RBFOX1: variants seen among roughly 807,000 people sequenced by gnomAD.
RBFOX1 encodes the protein RNA binding protein fox-1 homolog 1.
In RBFOX1, 8 loss-of-function variants were observed where a neutral mutation model predicts 57.7. That is an observed-to-expected ratio of 0.14 (90% CI 0.08 to 0.25). RBFOX1 has a LOEUF of 0.25. Among genes scored for constraint, RBFOX1 ranks in the 10% least tolerant of loss-of-function variants. The pLI is 1.00. For synonymous variants in RBFOX1, 326 were observed against 222.4 expected, an observed-to-expected ratio of 1.47 and a Z score of -4.15; for missense variants, 611 against 548.5, an observed-to-expected ratio of 1.11 and a Z score of -1.14.
rs1251814422 is a variant in RBFOX1, at chr16:6,450,816, TAC to T, written c.-64+133761_-64+133762del. ...ATATATATATGTATATATATATATATACATATATATATATATATATGTGTATA... is the reference window on the plus strand; with the variant it reads ...ATATATATATGTATATATATATATATATATATATATATATATATGTGTATA... On this transcript the variant is annotated intron_variant, in intron 2 of 15. Transcript: ENST00000550418. 8.6e-3 allele frequency among the ~76,000 whole-genome samples: 190 copies of T among 22,002 alleles called. 21 individuals are homozygous for T. The highest frequency in any genetic ancestry group is 0.02 in the African/African-American group (93 of 4,764). The allele number at this position is 22,002 out of a possible 152,430, so 14.4% of individuals were successfully genotyped here. A position where few individuals can be genotyped will look rare whatever the true frequency, so the allele number is the denominator to read the frequency against.
At chr16:5,439,192 C>T (rs1032339873) in intron 1 of RBFOX1, among the ~76,000 whole-genome samples, 10 of 151,654 alleles carry the variant, frequency 6.6e-5, no homozygotes, top group Admixed American at 3.3e-4. Flanking sequence ...CCTGGTGAGT[C>T]GGAAGGAGAA....
rs59873374 is a variant in RBFOX1, at chr16:5,544,951, C to CTTTTTTTTTTTTTT, written c.259-53921_259-53908dup. Among the ~76,000 whole-genome samples the CTTTTTTTTTTTTTT allele has an allele frequency of 4.0e-4, 50 of 124,392 alleles. 2 individuals carry two copies. The highest frequency in any genetic ancestry group is 8.3e-4 in the African/African-American group (24 of 29,020). The allele number at this position is 124,392 out of a possible 152,430, so 81.6% of individuals were successfully genotyped here. A position where few individuals can be genotyped will look rare whatever the true frequency, so the allele number is the denominator to read the frequency against. On this transcript the variant is annotated intron_variant, in intron 2 of 2. Transcript: ENST00000585867. ...GTATAGATGGCCTTACTATTACATT[C>CTTTTTTTTTTTTTT]TTTTTTTTTTTTTTTTTTTTTTTTT...
intron 3 of RBFOX1, among the ~76,000 whole-genome samples, chr16:6,848,280 G>C (rs1444556208): frequency 6.6e-6 from 1 of 152,164 alleles, no homozygotes; most frequent in East Asian, 1.9e-4. Context: ...TTGTGACCAT[G>C]TGGGAAGGTG....
Position 7,480,457 on chromosome 16 carries a change from G to C in RBFOX1, c.28-37690G>C, listed in dbSNP as rs542400309. ...GAGAAAGTGAATGCAATAGACATTTGAGAACAGTAAATGTGTAATAGAATT... is the reference window on the plus strand; with the variant it reads ...GAGAAAGTGAATGCAATAGACATTTCAGAACAGTAAATGTGTAATAGAATT... On this transcript the variant is annotated intron_variant, in intron 4 of 15. Coordinates refer to ENST00000550418, the MANE Select transcript of RBFOX1 (RefSeq NM_018723.4). Among the ~76,000 whole-genome samples the C allele has an allele frequency of 1.2e-3, 190 of 152,268 alleles. 1 individual carries two copies. Among genetic ancestry groups the C allele is most frequent in the African/African-American group, 4.5e-3 (185 of 41,548 alleles).
intron 2 of RBFOX1, among the ~76,000 whole-genome samples, chr16:6,319,445 G>T (rs2081500414): frequency 6.6e-6 from 1 of 152,094 alleles, no homozygotes; most frequent in Non-Finnish European, 1.5e-5. Flanking sequence ...ATATAATGAT[G>T]GTCGAACAGG....
intron 1 of RBFOX1, among the ~76,000 whole-genome samples, chr16:5,406,154 T>A (rs1256834761): frequency 6.6e-6 from 1 of 152,196 alleles, no homozygotes; most frequent in East Asian, 1.9e-4. Flanking sequence ...ATGGTCATCT[T>A]TATGTGTCAA....
chr16:7,268,950 C>G (rs1181210747), intron 4 of RBFOX1, among the ~76,000 whole-genome samples: 2 of 149,780 alleles, frequency 1.3e-5, no homozygotes, highest in Non-Finnish European at 3.0e-5. Context: ...GGCAGGAGAA[C>G]CGCTTGAACC....
intron 1 of RBFOX1, among the ~76,000 whole-genome samples, chr16:6,175,329 A>G (rs2096996402): frequency 6.6e-6 from 1 of 152,188 alleles, no homozygotes; most frequent in South Asian, 2.1e-4. Context: ...GTGCTGAGTT[A>G]CAGGGTACCA....
intron 5 of RBFOX1, among the ~76,000 whole-genome samples, chr16:7,558,371 T>C (rs1260088026): frequency 3.9e-5 from 6 of 152,064 alleles, no homozygotes; most frequent in South Asian, 4.1e-4. Context: ...GACATACATA[T>C]ATATATACAC....
At chr16:5,463,787 G>C (rs1302195838) in intron 1 of RBFOX1, among the ~76,000 whole-genome samples, 2 of 148,162 alleles carry the variant, frequency 1.3e-5, no homozygotes, top group Non-Finnish European at 3.0e-5. Context: ...GTGACAGAGT[G>C]AGACTGTCTC....
intron 3 of RBFOX1, among the ~76,000 whole-genome samples, chr16:6,696,909 T>C (rs1191895337): frequency 6.6e-6 from 1 of 152,226 alleles, no homozygotes; most frequent in Non-Finnish European, 1.5e-5. Flanking sequence ...GATTGCTGTC[T>C]TGCAAAACCC....
At chr16:5,670,992 C>T (rs1276485807) in intron 3 of RBFOX1, among the ~76,000 whole-genome samples, 1 of 152,214 alleles carries the variant, frequency 6.6e-6, no homozygotes, top group East Asian at 1.9e-4. Context: ...AATTCAGACT[C>T]AGAGCCCCCC....
At chr16:6,683,882 CACGA>C (rs2059038793) in intron 3 of RBFOX1, among the ~76,000 whole-genome samples, 1 of 152,156 alleles carries the variant, frequency 6.6e-6, no homozygotes. Flanking sequence ...CTTTATTTTA[CACGA>C]AATGGTTGTA....
At chr16:5,689,864 A>G (rs2050618100) in intron 3 of RBFOX1, among the ~76,000 whole-genome samples, 1 of 152,032 alleles carries the variant, frequency 6.6e-6, no homozygotes, top group Non-Finnish European at 1.5e-5. Flanking sequence ...AATCACAAGG[A>G]AGGGAATGAA....
At chr16:6,239,953 C>T (rs1464722775) in intron 1 of RBFOX1, among the ~76,000 whole-genome samples, 3 of 152,066 alleles carry the variant, frequency 2.0e-5, no homozygotes, top group African/African-American at 4.8e-5. Flanking sequence ...GGGGGTGTTT[C>T]GGTTGTGGGA....
chr16:6,311,295 CAAAA>C (rs71145210), intron 1 of RBFOX1, among the ~76,000 whole-genome samples: 26 of 91,234 alleles, frequency 2.8e-4, no homozygotes, highest in South Asian at 1.8e-3. Flanking sequence ...GACTCTGTCT[CAAAA>C]AAAAAAAAAA....
intron 4 of RBFOX1, among the ~76,000 whole-genome samples, chr16:7,125,847 C>T (rs546804662): frequency 6.6e-6 from 1 of 152,282 alleles, no homozygotes; most frequent in South Asian, 2.1e-4. Flanking sequence ...CTTTGGGAGG[C>T]TGCGGTGGGT....
chr16:6,219,102 A>G (rs1306553990), intron 1 of RBFOX1, among the ~76,000 whole-genome samples: 7 of 152,188 alleles, frequency 4.6e-5, no homozygotes, highest in Admixed American at 4.6e-4. Flanking sequence ...TCAAGTGTAA[A>G]TTGAGAGCAA....
At chr16:6,646,142 G>A (rs975340868) in intron 2 of RBFOX1, among the ~76,000 whole-genome samples, 1 of 152,036 alleles carries the variant, frequency 6.6e-6, no homozygotes, top group Non-Finnish European at 1.5e-5. Flanking sequence ...TGGTCGAGTG[G>A]GGCTGAAGTA....
Sources: allele counts gnomAD v4.1 joint callset (sites outside exome capture counted in the v4.1 genomes callset), GRCh38; gene constraint gnomAD v4.1.1; transcripts MANE v1.5; gene names NCBI Gene and HGNC (gene_info 2026-07-23, HGNC 2026-07-21).